Variants in DNAH17 observed in about 807,000 individuals in gnomAD.
DNAH17 encodes the protein dynein axonemal heavy chain 17, also known as axonemal beta dynein heavy chain 17.
In DNAH17, 376 loss-of-function variants were observed where a neutral mutation model predicts 485.6. That is an observed-to-expected ratio of 0.77 (90% CI 0.71 to 0.84). The LOEUF (loss-of-function observed/expected upper bound fraction) is 0.84. DNAH17 is among the 40% of genes least tolerant of loss of function. The pLI is 0.00. For synonymous variants in DNAH17, 3,031 were observed against 2,405.9 expected (o/e 1.26, Z -7.60); for missense variants, 6,370 against 5,839.3 (o/e 1.09, Z -2.96).
In DNAH17 at chr17:78,439,133, G is replaced by A. The variant is rs1195101385; in HGVS notation, c.11762C>T (p.Ala3921Val). Residue 3921 changes from alanine (A) to valine (V), a missense_variant, in exon 73 of 81, where the codon GCC becomes GTC. Physicochemically the swap from Ala to Val is moderately conservative, Grantham distance 64. Transcript: ENST00000389840. ...GQGQEVVAENALDVAAEKGHW... is the reference protein window; with the variant it reads ...GQGQEVVAENVLDVAAEKGHW... ...TCCTTTCTCTGCAGCCACGTCCAGG[G>A]CGTTCTCAGCCACCACCTCTTGTCC... is the stretch of plus-strand genomic sequence containing the variant. 6.2e-7 allele frequency: 1 copy of A among 1,613,634 alleles called. No individual in the cohort carries two copies. The highest frequency in any genetic ancestry group is 8.5e-7 in the Non-Finnish European group (1 of 1,179,814).
intron 62 of DNAH17, among the ~76,000 whole-genome samples, chr17:78,456,775 G>A (rs1598480187): frequency 6.6e-6 from 1 of 152,192 alleles, no homozygotes; most frequent in South Asian, 2.1e-4. Flanking sequence ...AGACCATTTC[G>A]ATTTGGCAGG....
chr17:78,486,283 C>A lies in DNAH17; in HGVS notation c.7042G>T (p.Glu2348Ter). 6.2e-7 allele frequency: 1 copy of A among 1,609,778 alleles called. No individual in the cohort carries two copies. Among genetic ancestry groups the A allele is most frequent in the Non-Finnish European group, 8.5e-7 (1 of 1,176,812 alleles). ...VPPDSPRELY[E>*]LYFVFTCFWA... The stretch of plus-strand genomic sequence containing the variant: ...AAGCAGGTGAACACGAAGTACAGCT[C>A]GTACAGCTCCCTGGGGGAGTCGGGG... Residue 2348 changes from glutamate (E) to a stop codon, truncating the protein, a stop_gained, in exon 45 of 81, where the codon GAG becomes TAG. Coordinates refer to ENST00000389840, the MANE Select transcript of DNAH17 (RefSeq NM_173628.4). LOFTEE classifies it high-confidence loss of function.
chr17:78,495,062 A>G lies in DNAH17; in HGVS notation c.5939T>C (p.Ile1980Thr), dbSNP rs1056521984. 4 of 1,610,994 alleles carry G rather than the reference A, an allele frequency of 2.5e-6. No individual in the cohort carries two copies. The highest frequency in any genetic ancestry group is 2.7e-5 in the African/African-American group (2 of 74,900). ...CTCGGCCATGAGCATGATCTCACAT[A>G]TCAGTTCGAAGTCGGGGACGACCAT... ...CAMVVPDFEL[I>T]CEIMLMAEGF... The change falls in exon 39 of 81, where the codon ATA becomes ACA. Residue 1980 changes from isoleucine (I) to threonine (T), a missense_variant. Ile to Thr is a moderately conservative substitution (Grantham distance 89). Transcript: ENST00000389840.
At chr17:78,566,890 C>G in intron 10 of DNAH17, 109 bp downstream of exon 10, 3 of 1,396,800 alleles carry the variant, frequency 2.1e-6, no homozygotes, top group Middle Eastern at 2.0e-4. Flanking sequence ...GTTGGGATCA[C>G]CTGGCACCTG....
intron 52 of DNAH17, 73 bp downstream of exon 52, chr17:78,476,499 T>A: frequency 6.6e-7 from 1 of 1,509,442 alleles, no homozygotes; most frequent in Non-Finnish European, 8.9e-7. Flanking sequence ...GCTGCAGTTC[T>A]CATTGGCCGC....
intron 13 of DNAH17, among the ~76,000 whole-genome samples, chr17:78,560,489 C>CAT (rs2092129449): frequency 6.8e-6 from 1 of 146,720 alleles, no homozygotes; most frequent in Middle Eastern, 3.2e-3. Context: ...TCCCCCCCCC[C>CAT]AGTTTCAAAT....
chr17:78,545,709 T>G (rs2091742149), intron 16 of DNAH17, among the ~76,000 whole-genome samples: 1 of 152,208 alleles, frequency 6.6e-6, no homozygotes, highest in African/African-American at 2.4e-5. Context: ...AATGCTGTGT[T>G]AGCCTTCCCA....
chr17:78,506,711 C>T lies in DNAH17; in HGVS notation c.4803+9G>A, dbSNP rs779537152. ...GCTTAAACACCGGAATGCAAGGGGC[C>T]CCGCCTACCTCCACGGGGTCATTGC... On this transcript the variant is annotated intron_variant, in intron 30 of 80. Transcript: ENST00000389840. 1.2e-6 allele frequency: 2 copies of T among 1,613,672 alleles called. No homozygotes were observed. Among genetic ancestry groups the T allele is most frequent in the Admixed American group, 3.3e-5 (2 of 60,000 alleles).
intron 73 of DNAH17, among the ~76,000 whole-genome samples, chr17:78,438,425 AAGGAGGAGG>A (rs142149972): frequency 5.8e-4 from 3 of 5,136 alleles, no homozygotes; most frequent in African/African-American, 2.8e-3. Flanking sequence ...AAGTGAGGAG[AAGGAGGAGG>A]AGGAGGAGGA....
intron 75 of DNAH17, among the ~76,000 whole-genome samples, chr17:78,432,695 A>G (rs1207791201): frequency 6.6e-6 from 1 of 152,218 alleles, no homozygotes; most frequent in Non-Finnish European, 1.5e-5. Flanking sequence ...TGTGCCGTGC[A>G]TGCCTGGGGC....
intron 52 of DNAH17, among the ~76,000 whole-genome samples, chr17:78,476,273 G>A (rs997112072): frequency 2.0e-5 from 3 of 149,892 alleles, no homozygotes; most frequent in African/African-American, 2.5e-5. Context: ...GAGTTATCGC[G>A]TGGAACCCTC....
intron 52 of DNAH17, 110 bp downstream of exon 52, chr17:78,476,462 C>A: frequency 1.5e-6 from 2 of 1,293,108 alleles, no homozygotes; most frequent in Non-Finnish European, 2.1e-6. Context: ...GATCTTCCCA[C>A]CCCCAACAAA....
intron 74 of DNAH17, 60 bp from the exon 75 acceptor site, chr17:78,434,280 C>T (rs1192440756): frequency 1.1e-5 from 16 of 1,517,090 alleles, no homozygotes; most frequent in African/African-American, 1.4e-5. Context: ...ACAGAAATGC[C>T]CCTGAGGGTG....
chr17:78,552,268 C>A (rs2091918687), intron 15 of DNAH17, among the ~76,000 whole-genome samples: 1 of 152,134 alleles, frequency 6.6e-6, no homozygotes, highest in African/African-American at 2.4e-5. Context: ...CTGCCTCGTC[C>A]AGTGGTGGAA....
intron 66 of DNAH17, 69 bp from the exon 67 acceptor site, chr17:78,450,915 G>A (rs2087521263): frequency 1.3e-6 from 2 of 1,579,198 alleles, no homozygotes; most frequent in Admixed American, 1.7e-5. Context: ...GCCTCCCTCA[G>A]GTGGCCATGT....
chr17:78,560,705 G>A (rs1488601539), intron 13 of DNAH17, 35 bp downstream of exon 13: 2 of 1,516,206 alleles, frequency 1.3e-6, no homozygotes, highest in South Asian at 1.3e-5. Context: ...CGCTCCCAAG[G>A]AGCCTTTGAC....
In DNAH17 at chr17:78,569,243, GCT is replaced by G; in HGVS notation, c.1205_1206del (p.Glu402AlafsTer26). ...VNMKLFFKDK[E>X]PVPWEFPSSL... ...GAAGAAGGGAATTCCCAAGGCACGGGCTCTTTGTCCTTAGAGGAGAGAAAGAG... is the reference window on the plus strand; with the variant it reads ...GAAGAAGGGAATTCCCAAGGCACGGGCTTTGTCCTTAGAGGAGAGAAAGAG... On this transcript the variant is annotated frameshift_variant, in exon 9 of 81. Transcript: ENST00000389840. LOFTEE classifies it high-confidence loss of function. 1 of 1,606,308 alleles carries G rather than the reference GCT, an allele frequency of 6.2e-7. No homozygotes were observed.
chr17:78,553,561 C>CA (rs1401373356), intron 14 of DNAH17, among the ~76,000 whole-genome samples: 2 of 152,064 alleles, frequency 1.3e-5, no homozygotes, highest in Admixed American at 6.6e-5. Flanking sequence ...CTTGGCCTCT[C>CA]AAAGTCCCAG....
intron 26 of DNAH17, among the ~76,000 whole-genome samples, chr17:78,511,432 T>C (rs541400755): frequency 1.1e-3 from 172 of 152,296 alleles, no homozygotes; most frequent in Non-Finnish European, 1.9e-3. Context: ...TTAAGCCTCC[T>C]GGTTTGTGGT....
Sources: gnomAD v4.1 joint callset for allele counts (sites outside exome capture counted in the v4.1 genomes callset) on GRCh38, gnomAD v4.1.1 for gene constraint, MANE v1.5 for transcripts, NCBI Gene and HGNC (gene_info 2026-07-23, HGNC 2026-07-21) for gene names.